Variants in KY observed in about 807,000 individuals in gnomAD.
The protein encoded by KY is kyphoscoliosis peptidase.
In KY, 43 loss-of-function variants were observed where a neutral mutation model predicts 76.1. The observed-to-expected ratio is 0.57, with a 90% CI of 0.44 to 0.73. The LOEUF (loss-of-function observed/expected upper bound fraction) is 0.73. KY is among the 30% of genes least tolerant of loss of function. The pLI is 0.00. For synonymous variants in KY, 277 were observed against 326.2 expected, an observed-to-expected ratio of 0.85 and a Z score of 1.63; for missense variants, 722 against 828.9, an observed-to-expected ratio of 0.87 and a Z score of 1.58.
At position 134,600,910 on chromosome 3, in the gene KY, A is replaced by G. The variant is rs1164908605; in HGVS notation, c.*2669T>C. On this transcript the variant is annotated 3_prime_UTR_variant, in exon 11 of 11. Transcript: ENST00000423778. ...GCTGAGAAGCCACGAGAAAGCACCT[A>G]GTGATTTTAACATAAACATTTCCAC... 1.3e-5 allele frequency: 2 copies of G among 152,236 alleles called. No homozygotes were observed. The highest frequency in any genetic ancestry group is 3.9e-4 in the East Asian group (2 of 5,192). The allele number at this position is 152,236 out of a possible 1,614,324, so 9.4% of individuals were successfully genotyped here.
chr3:134,610,117 A>C (rs557607781), intron 9 of KY, 78 bp downstream of exon 9: 116 of 1,479,750 alleles, frequency 7.8e-5, no homozygotes, highest in Non-Finnish European at 1.0e-4. Context: ...GGTCTTCTCC[A>C]CCTGCTGCTT....
chr3:134,612,624 A>T (rs9871226), intron 8 of KY, among the ~76,000 whole-genome samples: 95,379 of 151,938 alleles, frequency 0.63, 30,405 homozygotes, highest in East Asian at 0.87. Context: ...GGCCCCATCT[A>T]CTCAGAGACT....
chr3:134,619,536 G>C (rs1382053480), intron 7 of KY, among the ~76,000 whole-genome samples: 1 of 152,238 alleles, frequency 6.6e-6, no homozygotes, highest in Non-Finnish European at 1.5e-5. Flanking sequence ...CAGTGCAGAG[G>C]CATGGGGCTC....
rs1959083330 is a variant in KY, at chr3:134,604,003, G to T, written c.1562C>A (p.Thr521Asn). 1.2e-6 allele frequency: 2 copies of T among 1,613,800 alleles called. No individual in the cohort carries two copies. Among genetic ancestry groups the T allele is most frequent in the Non-Finnish European group, 1.7e-6 (2 of 1,179,808 alleles). Residue 521 changes from threonine (T) to asparagine (N), a missense_variant, in exon 11 of 11, where the codon ACC (threonine) becomes AAC (asparagine). Around this residue, in one of 2 missense-constraint regions of KY, gnomAD observed 552 missense variants for 680.9 expected, o/e 0.81. Transcript: ENST00000423778. ...YIFQLHREKQ[T>N]ELKVQLPHAG... The stretch of plus-strand genomic sequence containing the variant: ...ATGGGGCAGCTGGACTTTCAGCTCG[G>T]TCTGCTTCTCCCGGTGCAGCTGGAA...
intron 5 of KY, among the ~76,000 whole-genome samples, chr3:134,627,032 T>C (rs1963548039): frequency 6.6e-6 from 1 of 152,206 alleles, no homozygotes; most frequent in African/African-American, 2.4e-5. Context: ...CACTCCTATT[T>C]AGAATAAAGG....
chr3:134,627,486 AAT>A (rs1337893982), intron 5 of KY, among the ~76,000 whole-genome samples: 3 of 152,220 alleles, frequency 2.0e-5, no homozygotes, highest in African/African-American at 4.8e-5. Context: ...TTACGATTTT[AAT>A]ATGTTTCCTA....
chr3:134,611,169 G>A (rs552917080), intron 8 of KY, among the ~76,000 whole-genome samples: 9 of 152,344 alleles, frequency 5.9e-5, no homozygotes, highest in East Asian at 1.9e-4. Flanking sequence ...TGGAAATGCC[G>A]ACCAGTCAAC....
chr3:134,610,386 G>A lies in KY; in HGVS notation c.711-3C>T. ...TCATACACTGCACTCCGGCGAGCCT[G>A]GGGGCAGGACAGGGGGTCTGAGAGG... On this transcript the variant is annotated splice_region_variant and splice_polypyrimidine_tract_variant and intron_variant, in intron 8 of 10. Transcript: ENST00000423778. 2 of 1,609,722 alleles carry A rather than the reference G, an allele frequency of 1.2e-6. No individual in the cohort carries two copies. The highest frequency in any genetic ancestry group is 1.7e-6 in the Non-Finnish European group (2 of 1,177,808).
chr3:134,608,452 C>T (rs1365440802), intron 10 of KY, 197 bp downstream of exon 10: 2 of 1,522,460 alleles, frequency 1.3e-6, no homozygotes, highest in Non-Finnish European at 1.8e-6. Flanking sequence ...GGCCTATGGC[C>T]CTTCCCTGCC....
intron 3 of KY, among the ~76,000 whole-genome samples, chr3:134,640,489 G>T (rs1965611069): frequency 1.3e-5 from 2 of 152,208 alleles, no homozygotes; most frequent in South Asian, 2.1e-4. Flanking sequence ...TTAATATCTG[G>T]CACACACCAA....
chr3:134,644,153 AG>A (rs1966145105), intron 2 of KY, among the ~76,000 whole-genome samples: 1 of 145,806 alleles, frequency 6.9e-6, no homozygotes. Context: ...TGAGAAGAAC[AG>A]GGGGCCAGCC....
intron 10 of KY, 28 bp downstream of exon 10, chr3:134,608,621 A>G: frequency 6.2e-7 from 1 of 1,613,980 alleles, no homozygotes; most frequent in Non-Finnish European, 8.5e-7. Context: ...TCCTGCTGCT[A>G]GCACACTGGC....
At position 134,601,811 on chromosome 3, in the gene KY, A is replaced by G. The variant is rs1388992842; in HGVS notation, c.*1768T>C. ...GCCACCGTGCTGGGTGGCAGTGGGG[A>G]CTTTTAGGGGAGGGATCCCGGGGGA... On this transcript the variant is annotated 3_prime_UTR_variant, in exon 11 of 11. Transcript: ENST00000423778. 6.6e-6 allele frequency among the ~76,000 whole-genome samples: 1 copy of G among 152,018 alleles called. No individual in the cohort carries two copies. Among genetic ancestry groups the G allele is most frequent in the Non-Finnish European group, 1.5e-5 (1 of 67,986 alleles).
intron 6 of KY, among the ~76,000 whole-genome samples, 158 bp downstream of exon 6, chr3:134,624,895 C>T (rs999872894): frequency 1.3e-5 from 2 of 152,286 alleles, no homozygotes; most frequent in Admixed American, 6.5e-5. Context: ...CTGCCTAGTG[C>T]CTTCTGTCCC....
In KY at chr3:134,603,392, C is replaced by T; in HGVS notation, c.*187G>A. ...GCCTCTGCCCCCTCAGTCACAGCCA[C>T]ACCTGAGTGAAGCCTTCAGAACACA... On this transcript the variant is annotated 3_prime_UTR_variant, in exon 11 of 11. Coordinates refer to ENST00000423778, the MANE Select transcript of KY (RefSeq NM_178554.6). 2 of 558,928 alleles carry T rather than the reference C, an allele frequency of 3.6e-6. No individual in the cohort carries two copies. Among genetic ancestry groups the T allele is most frequent in the East Asian group, 2.9e-5 (1 of 34,382 alleles). 34.6% of individuals were successfully genotyped at this position (558,928 alleles called of 1,614,324 possible). A position where few individuals can be genotyped will look rare whatever the true frequency, so the allele number is the denominator to read the frequency against.
intron 3 of KY, among the ~76,000 whole-genome samples, chr3:134,640,276 T>C (rs1348917101): frequency 1.3e-5 from 2 of 152,120 alleles, no homozygotes; most frequent in South Asian, 2.1e-4. Flanking sequence ...CTGTCCTGTA[T>C]GGAAGAGACA....
intron 8 of KY, among the ~76,000 whole-genome samples, chr3:134,617,048 G>A (rs1187032850): frequency 2.0e-5 from 3 of 152,094 alleles, no homozygotes. Context: ...TTTAACTTTG[G>A]CACTCCTTCT....
chr3:134,648,596 G>A (rs2108048879), intron 1 of KY, among the ~76,000 whole-genome samples: 1 of 152,292 alleles, frequency 6.6e-6, no homozygotes, highest in East Asian at 1.9e-4. Context: ...GAAATGACTG[G>A]GAGGCTGCTA....
chr3:134,637,689 C>T (rs985807255), intron 3 of KY, among the ~76,000 whole-genome samples: 2 of 152,214 alleles, frequency 1.3e-5, no homozygotes, highest in Non-Finnish European at 2.9e-5. Context: ...GTTAATTTAT[C>T]GCTTCAGGCA....
Sources: gnomAD v4.1 joint callset for allele counts (sites outside exome capture counted in the v4.1 genomes callset) on GRCh38, gnomAD v4.1.1 for gene constraint, gnomAD v4.1.1 regional missense constraint, MANE v1.5 for transcripts, NCBI Gene and HGNC (gene_info 2026-07-23, HGNC 2026-07-21) for gene names.